AGBL4: variants seen among roughly 807,000 people sequenced by gnomAD.
AGBL4 encodes AGBL carboxypeptidase 4.
AGBL4 carries 58 observed loss-of-function variants against 66.4 expected under a neutral mutation model. The observed-to-expected ratio is 0.87, with a 90% CI of 0.71 to 1.09. The LOEUF is 1.09. Among genes scored for constraint, AGBL4 ranks in the 50% least tolerant of loss-of-function variants. The pLI, the probability that AGBL4 is intolerant of heterozygous loss-of-function variation, is 0.00. For missense variants in AGBL4, 579 were observed against 631.0 expected (o/e 0.92, Z 0.88); for synonymous variants, 234 against 222.9 (o/e 1.05, Z -0.44).
At chr1:49,721,103 CGCACCAATCAGTGCTCTGTAAAAT>C (rs1291581928) in intron 2 of AGBL4, among the ~76,000 whole-genome samples, 1 of 152,052 alleles carries the variant, frequency 6.6e-6, no homozygotes, top group Non-Finnish European at 1.5e-5. Context: ...TCTGTAAAAA[CGCACCAATCAGTGCTCTGTAAAAT>C]GCACCAATCA....
At chr1:49,187,054 G>C (rs996886945) in intron 4 of AGBL4, among the ~76,000 whole-genome samples, 22 of 152,154 alleles carry the variant, frequency 1.4e-4, no homozygotes, top group African/African-American at 5.1e-4. Flanking sequence ...AGAACAATTT[G>C]GCTTTAGCCA....
chr1:49,765,680 T>C (rs779389550), intron 2 of AGBL4, among the ~76,000 whole-genome samples: 45 of 151,506 alleles, frequency 3.0e-4, no homozygotes, highest in Middle Eastern at 6.8e-3. Context: ...AAAACAATGC[T>C]GAAAACACAA....
chr1:48,715,767 G>A (rs1241465947), intron 6 of AGBL4, among the ~76,000 whole-genome samples: 2 of 152,168 alleles, frequency 1.3e-5, no homozygotes, highest in African/African-American at 4.8e-5. Context: ...CATATAGAAT[G>A]TGGCCACATG....
chr1:48,596,865 G>A (rs915037505), intron 9 of AGBL4, among the ~76,000 whole-genome samples: 2 of 152,130 alleles, frequency 1.3e-5, no homozygotes, highest in Admixed American at 1.3e-4. Flanking sequence ...ATAAGTCAAG[G>A]GGACAAAGAA....
At chr1:48,666,238 T>C (rs1646185706) in intron 6 of AGBL4, among the ~76,000 whole-genome samples, 1 of 152,070 alleles carries the variant, frequency 6.6e-6, no homozygotes, top group Non-Finnish European at 1.5e-5. Flanking sequence ...CACCCCCTCC[T>C]GTCACCAAAT....
intron 4 of AGBL4, among the ~76,000 whole-genome samples, chr1:49,117,110 T>C (rs1415059580): frequency 6.6e-6 from 1 of 152,132 alleles, no homozygotes; most frequent in African/African-American, 2.4e-5. Flanking sequence ...TTGTAGATTC[T>C]GGATATTAGC....
At chr1:48,717,525 T>C (rs923123693) in intron 6 of AGBL4, among the ~76,000 whole-genome samples, 2 of 152,154 alleles carry the variant, frequency 1.3e-5, no homozygotes, top group Non-Finnish European at 2.9e-5. Flanking sequence ...TGTGTGTGCG[T>C]GTGTGTGTGC....
chr1:48,762,818 C>A (rs12124297), intron 6 of AGBL4, among the ~76,000 whole-genome samples: 14,796 of 152,034 alleles, frequency 0.097, 910 homozygotes, highest in East Asian at 0.17. Flanking sequence ...GGGATGAAGG[C>A]CCAGCTGGTC....
intron 1 of AGBL4, among the ~76,000 whole-genome samples, chr1:49,993,579 C>A (rs1660124683): frequency 6.6e-6 from 1 of 152,200 alleles, no homozygotes; most frequent in African/African-American, 2.4e-5. Context: ...CTTCAAAATA[C>A]TTGCTGCCCG....
chr1:48,832,484 T>C (rs983633442), intron 6 of AGBL4, among the ~76,000 whole-genome samples: 15 of 152,122 alleles, frequency 9.9e-5, no homozygotes, highest in African/African-American at 3.1e-4. Context: ...ACTCGCTAGG[T>C]TGTGAGTACC....
chr1:49,030,541 C>A (rs547067046), intron 5 of AGBL4, among the ~76,000 whole-genome samples: 1 of 152,164 alleles, frequency 6.6e-6, no homozygotes, highest in East Asian at 1.9e-4. Context: ...ACCTCTGTCT[C>A]CTGTCAGATC....
chr1:48,837,698 GCA>G (rs1258416679), intron 6 of AGBL4, among the ~76,000 whole-genome samples: 1 of 72,366 alleles, frequency 1.4e-5, no homozygotes, highest in East Asian at 5.6e-4. Flanking sequence ...GCACACACAC[GCA>G]CACACACACA....
chr1:49,963,504 A>G (rs958014308), intron 1 of AGBL4, among the ~76,000 whole-genome samples: 2 of 152,184 alleles, frequency 1.3e-5, no homozygotes, highest in Non-Finnish European at 2.9e-5. Context: ...GCTCCCAACA[A>G]AACAACTTAA....
Position 49,504,980 on chromosome 1 carries a change from T to G in AGBL4, c.282+192333A>C, listed in dbSNP as rs182496894. Among the ~76,000 whole-genome samples the G allele has an allele frequency of 5.4e-3, 826 of 152,134 alleles. 17 individuals are homozygous for G. Among genetic ancestry groups the G allele is most frequent in the Non-Finnish European group, 5.7e-3 (387 of 67,976 alleles). On this transcript the variant is annotated intron_variant, in intron 3 of 13. Coordinates refer to ENST00000371839, the MANE Select transcript of AGBL4 (RefSeq NM_032785.4). ...AATGATTTTCTGTAGTGGTATGCTT[T>G]GATTCTTTGCTTTTTTATCTTTTGT...
At chr1:49,052,328 T>C (rs1007331489) in intron 4 of AGBL4, among the ~76,000 whole-genome samples, 1 of 152,246 alleles carries the variant, frequency 6.6e-6, no homozygotes, top group Non-Finnish European at 1.5e-5. Flanking sequence ...AGGCACCCCA[T>C]GCAATGAGAG....
chr1:49,804,059 A>G (rs907320765), intron 2 of AGBL4, among the ~76,000 whole-genome samples: 1 of 152,134 alleles, frequency 6.6e-6, no homozygotes, highest in African/African-American at 2.4e-5. Context: ...CCTGGTTGGA[A>G]TTTTTTTAAA....
chr1:48,523,978 G>A, the AGBL4 span, among the ~76,000 whole-genome samples: 1 of 152,078 alleles, frequency 6.6e-6, no homozygotes, highest in African/African-American at 2.4e-5. Context: ...TCTAAACATA[G>A]GAAAGGTACA....
At chr1:48,919,744 T>C (rs1653926829) in intron 5 of AGBL4, among the ~76,000 whole-genome samples, 1 of 152,174 alleles carries the variant, frequency 6.6e-6, no homozygotes, top group Non-Finnish European at 1.5e-5. Context: ...CTCTCAAGTG[T>C]TGACAATCAA....
rs148172439 is a variant in AGBL4, at chr1:48,975,689, C to T, written c.594+69895G>A. Among the ~76,000 whole-genome samples the T allele has an allele frequency of 1.8e-3, 277 of 152,208 alleles. 2 individuals are homozygous for T. The highest frequency in any genetic ancestry group is 6.3e-3 in the African/African-American group (262 of 41,538). ...GAAAATGGTGTAAGTGATATAGCGGCATACAAGGTTCTAATAGATATGAAG... is the reference window on the plus strand; with the variant it reads ...GAAAATGGTGTAAGTGATATAGCGGTATACAAGGTTCTAATAGATATGAAG... On this transcript the variant is annotated intron_variant, in intron 5 of 13. Coordinates refer to ENST00000371839, the MANE Select transcript of AGBL4 (RefSeq NM_032785.4).
Sources: gnomAD v4.1 joint callset for allele counts (sites outside exome capture counted in the v4.1 genomes callset) on GRCh38, gnomAD v4.1.1 for gene constraint, MANE v1.5 for transcripts, NCBI Gene and HGNC (gene_info 2026-07-23, HGNC 2026-07-21) for gene names.